Variants in GFOD1 observed in about 807,000 individuals in gnomAD.
The protein encoded by GFOD1 is Gfo/Idh/MocA-like oxidoreductase domain containing 1.
A neutral mutation model predicts 25.4 loss-of-function variants in GFOD1; 9 were observed. The observed-to-expected ratio is 0.35, with a 90% CI of 0.21 to 0.62. The LOEUF is 0.62. GFOD1 is among the 20% of genes least tolerant of loss of function. The pLI is 0.72. For synonymous variants in GFOD1, 253 were observed against 245.6 expected, an observed-to-expected ratio of 1.03 and a Z score of -0.28; for missense variants, 403 against 556.9, an observed-to-expected ratio of 0.72 and a Z score of 2.78.
intron 1 of GFOD1, among the ~76,000 whole-genome samples, chr6:13,421,562 A>C (rs571347539): frequency 2.0e-5 from 3 of 152,098 alleles, no homozygotes; most frequent in East Asian, 3.9e-4. Flanking sequence ...TTAAAAAAAA[A>C]CCATCAATAT....
chr6:13,414,608 A>T (rs1786134473), intron 1 of GFOD1, among the ~76,000 whole-genome samples: 1 of 151,564 alleles, frequency 6.6e-6, no homozygotes. Context: ...CCATAGCCCC[A>T]TCTGTAAAAT....
chr6:13,374,995 G>T (rs1373987415), intron 1 of GFOD1, among the ~76,000 whole-genome samples: 3 of 151,026 alleles, frequency 2.0e-5, no homozygotes, highest in African/African-American at 7.3e-5. Flanking sequence ...TGCCCACCTT[G>T]ACCTCCCAAA....
chr6:13,378,299 A>T (rs988204317), intron 1 of GFOD1, among the ~76,000 whole-genome samples: 3 of 152,226 alleles, frequency 2.0e-5, no homozygotes, highest in Non-Finnish European at 1.5e-5. Flanking sequence ...TGAGCCTCAG[A>T]ACTACCAGAT....
rs1785799112 is a variant in GFOD1 at position 13,399,382 on chromosome 6, C to T, written c.254-33720G>A. Among the ~76,000 whole-genome samples the T allele has an allele frequency of 4.6e-5, 7 of 152,082 alleles. No individual in the cohort carries two copies. The South Asian group carries it at 1.5e-3, about 32-fold the overall frequency. On this transcript the variant is annotated intron_variant, in intron 1 of 1. Transcript: ENST00000379287. Reference sequence around the variant, plus strand: ...CAGCAATTCCACTCCTAGAAATTTACCAAAGAGAAATGAAAACATATATCT... The same window carrying T: ...CAGCAATTCCACTCCTAGAAATTTATCAAAGAGAAATGAAAACATATATCT...
chr6:13,422,920 T>A (rs1346867010), intron 1 of GFOD1, among the ~76,000 whole-genome samples: 1 of 152,210 alleles, frequency 6.6e-6, no homozygotes, highest in Non-Finnish European at 1.5e-5. Flanking sequence ...ACTAGCAGGT[T>A]CACCCAAGGA....
chr6:13,365,945 G>A lies in GFOD1; in HGVS notation c.254-283C>T, dbSNP rs953172328. 4.0e-5 allele frequency among the ~76,000 whole-genome samples: 6 copies of A among 149,532 alleles called. No individual in the cohort carries two copies. Among genetic ancestry groups the A allele is most frequent in the Non-Finnish European group, 7.4e-5 (5 of 67,534 alleles). On this transcript the variant is annotated intron_variant, in intron 1 of 1. Coordinates refer to ENST00000379287, the MANE Select transcript of GFOD1 (RefSeq NM_018988.4). This position sits in a 1 kb window ranked among gnomAD's most constrained non-coding sequence, Gnocchi z 9.2. Reference sequence around the variant, plus strand: ...TAATGAGCCGGGCGTGGTGGTGCACGCCTGTGGTCCCAGCTACTCAGGAGG... The same window carrying A: ...TAATGAGCCGGGCGTGGTGGTGCACACCTGTGGTCCCAGCTACTCAGGAGG...
At chr6:13,385,564 T>C (rs1400316224) in intron 1 of GFOD1, among the ~76,000 whole-genome samples, 3 of 152,204 alleles carry the variant, frequency 2.0e-5, no homozygotes, top group African/African-American at 7.2e-5. Context: ...CAGAATCATT[T>C]TTCTGCTTTC....
intron 1 of GFOD1, among the ~76,000 whole-genome samples, chr6:13,367,033 A>G (rs1036353126): frequency 6.6e-6 from 1 of 151,936 alleles, no homozygotes; most frequent in African/African-American, 2.4e-5. Context: ...TATACAATAT[A>G]ATCTTTTTAC....
chr6:13,432,821 T>C (rs1757772729), intron 1 of GFOD1, among the ~76,000 whole-genome samples: 1 of 152,178 alleles, frequency 6.6e-6, no homozygotes, highest in South Asian at 2.1e-4. Flanking sequence ...CCTGTGCATC[T>C]GTCTCCCCTT....
chr6:13,424,779 GTTTTAAAAAC>G (rs1247969116), intron 1 of GFOD1, among the ~76,000 whole-genome samples: 4 of 151,864 alleles, frequency 2.6e-5, no homozygotes, highest in Non-Finnish European at 5.9e-5. Flanking sequence ...TTTTACAAAG[GTTTTAAAAAC>G]AAATTTGGAA....
chr6:13,372,558 C>G (rs1461465751), intron 1 of GFOD1, among the ~76,000 whole-genome samples: 1 of 152,190 alleles, frequency 6.6e-6, no homozygotes, highest in Non-Finnish European at 1.5e-5. Flanking sequence ...GACACTTGAT[C>G]CAAATGGTAC....
chr6:13,469,749 C>T (rs1212467284), intron 1 of GFOD1: 1 of 1,162,178 alleles, frequency 8.6e-7, no homozygotes, highest in African/African-American at 1.6e-5. Flanking sequence ...TAATACATGT[C>T]ACAGAATCAA....
In GFOD1 at chr6:13,360,451, C is replaced by A; in HGVS notation, c.*4292G>T. ...AGCTAAAATTGGAGTGACAAACAAA[C>A]GAACTTTAAAGCCCCACTCCCTGAG... On this transcript the variant is annotated 3_prime_UTR_variant, in exon 2 of 2. Coordinates refer to ENST00000379287, the MANE Select transcript of GFOD1 (RefSeq NM_018988.4). 2.9e-6 allele frequency: 1 copy of A among 342,664 alleles called. No individual in the cohort carries two copies. Among genetic ancestry groups the A allele is most frequent in the Non-Finnish European group, 5.8e-6 (1 of 173,006 alleles). The allele number at this position is 342,664 out of a possible 1,614,324, so 21.2% of individuals were successfully genotyped here.
At position 13,487,004 on chromosome 6, in the gene GFOD1, G is replaced by A. The variant is rs374786643; in HGVS notation, c.-114C>T. 7.6e-7 allele frequency: 1 copy of A among 1,322,444 alleles called. No individual in the cohort carries two copies. The allele number at this position is 1,322,444 out of a possible 1,614,324, so 81.9% of individuals were successfully genotyped here. A position where few individuals can be genotyped will look rare whatever the true frequency, so the allele number is the denominator to read the frequency against. On this transcript the variant is annotated 5_prime_UTR_variant, in exon 1 of 2. Coordinates refer to ENST00000379287, the MANE Select transcript of GFOD1 (RefSeq NM_018988.4). The surrounding 1 kb of genome is among the most constrained non-coding windows in gnomAD (Gnocchi z 4.9). ...CTCCTGTAGCCAATCTAGCCGCGGT[G>A]CGCCAGCCGCCGTGCACCGGGCAAG...
chr6:13,436,224 T>C (rs1757831120), intron 1 of GFOD1, among the ~76,000 whole-genome samples: 1 of 151,660 alleles, frequency 6.6e-6, no homozygotes, highest in South Asian at 2.1e-4. Flanking sequence ...AAATTAAATT[T>C]TGAAAGCACA....
intron 1 of GFOD1, among the ~76,000 whole-genome samples, chr6:13,468,824 T>C (rs1234803764): frequency 1.3e-5 from 2 of 152,016 alleles, no homozygotes; most frequent in African/African-American, 4.8e-5. Flanking sequence ...CTTCCAGTTC[T>C]CTGCTTTTCA....
At chr6:13,467,321 C>G (rs539659085) in intron 1 of GFOD1, among the ~76,000 whole-genome samples, 1 of 152,226 alleles carries the variant, frequency 6.6e-6, no homozygotes, top group South Asian at 2.1e-4. Context: ...ATATAGGTAA[C>G]GAAATGAAAG....
rs34431944 is a variant in GFOD1, at chr6:13,447,740, CAAAAAAAAAAAAAAA to C, written c.253+38883_253+38897del. 7.8e-4 allele frequency among the ~76,000 whole-genome samples: 25 copies of C among 31,920 alleles called. 1 individual carries two copies. Among genetic ancestry groups the C allele is most frequent in the Admixed American group, 4.5e-3 (7 of 1,572 alleles). 20.9% of individuals were successfully genotyped at this position (31,920 alleles called of 152,430 possible). On this transcript the variant is annotated intron_variant, in intron 1 of 1. Coordinates refer to ENST00000379287, the MANE Select transcript of GFOD1 (RefSeq NM_018988.4). ...TGGGTGACAGAGCGAGACTCCTTCT[CAAAAAAAAAAAAAAA>C]AAAAAAAAAAAAAAAAGAGTTTTCC... is the stretch of plus-strand genomic sequence containing the variant.
At position 13,360,116 on chromosome 6, in the gene GFOD1, C is replaced by G. The variant is rs756621295; in HGVS notation, c.*4627G>C. 1.3e-5 allele frequency: 2 copies of G among 154,004 alleles called. No homozygotes were observed. The highest frequency in any genetic ancestry group is 2.9e-5 in the Non-Finnish European group (2 of 69,356). 9.5% of individuals were successfully genotyped at this position (154,004 alleles called of 1,614,324 possible). ...GCTCTGGAGGTGCTATGTGAGGCAGCATGAGACTTAAGAGGCAGAAAACCT... is the reference window on the plus strand; with the variant it reads ...GCTCTGGAGGTGCTATGTGAGGCAGGATGAGACTTAAGAGGCAGAAAACCT... On this transcript the variant is annotated 3_prime_UTR_variant, in exon 2 of 2. Coordinates refer to ENST00000379287, the MANE Select transcript of GFOD1 (RefSeq NM_018988.4).
Sources: allele counts gnomAD v4.1 joint callset (sites outside exome capture counted in the v4.1 genomes callset), GRCh38; gene constraint gnomAD v4.1.1; non-coding constraint Gnocchi (gnomAD v3.1); transcripts MANE v1.5; gene names NCBI Gene and HGNC (gene_info 2026-07-23, HGNC 2026-07-21).